Variants in PCMT1 observed in about 807,000 individuals in gnomAD.
PCMT1 encodes the protein protein-L-isoaspartate (D-aspartate) O-methyltransferase, also known as protein-L-isoaspartate(D-aspartate) O-methyltransferase.
A neutral mutation model predicts 29.2 loss-of-function variants in PCMT1; 9 were observed. The observed-to-expected ratio is 0.31, with a 90% confidence interval of 0.19 to 0.54. PCMT1 has a LOEUF of 0.54. Among genes scored for constraint, PCMT1 ranks in the 20% least tolerant of loss-of-function variants. The probability of loss-of-function intolerance (pLI) is 0.95; values close to 1 mark genes in which losing one functional copy is unlikely to be tolerated. For synonymous variants in PCMT1, 98 were observed against 97.5 expected (o/e 1.00, Z -0.03); for missense variants, 184 against 282.2 (o/e 0.65, Z 2.49).
chr6:149,770,705 C>CAA (rs1302278944), intron 1 of PCMT1, among the ~76,000 whole-genome samples: 6 of 63,696 alleles, frequency 9.4e-5, no homozygotes, highest in Non-Finnish European at 1.5e-4. Flanking sequence ...GACTCCATCT[C>CAA]AAAAAAAAAA....
chr6:149,806,278 G>A (rs1172331500), intron 7 of PCMT1, among the ~76,000 whole-genome samples: 4 of 152,120 alleles, frequency 2.6e-5, no homozygotes, highest in Non-Finnish European at 4.4e-5. Context: ...GTTCAGACTC[G>A]CGGTAGGGAG....
chr6:149,782,769 AAG>A (rs1275142193), intron 3 of PCMT1, among the ~76,000 whole-genome samples: 4 of 152,200 alleles, frequency 2.6e-5, no homozygotes, highest in Admixed American at 2.0e-4. Context: ...AAAAAACAAA[AAG>A]AGCAAGACAG....
At chr6:149,798,926 G>T (rs1788716564) in intron 6 of PCMT1, 1 of 152,192 alleles carries the variant, frequency 6.6e-6, no homozygotes, top group Admixed American at 6.5e-5. Flanking sequence ...TCTAAAAACT[G>T]ATGGACATAA....
rs949246211 is a variant in PCMT1, at chr6:149,771,414, A to G, written c.160+148A>G. ...CTCAGCAAGTTTCATAATCCCAAAC[A>G]TACCTATTTTAATAAAATTATGTAT... On this transcript the variant is annotated intron_variant, in intron 2 of 7. Transcript: ENST00000464889. 6.0e-5 allele frequency: 30 copies of G among 497,738 alleles called. No homozygotes were observed. In the Middle Eastern group the frequency reaches 1.5e-3, roughly 26 times the overall value. 30.8% of individuals were successfully genotyped at this position (497,738 alleles called of 1,614,324 possible). A position where few individuals can be genotyped will look rare whatever the true frequency, so the allele number is the denominator to read the frequency against.
At chr6:149,785,621 G>A (rs1004925746) in intron 3 of PCMT1, among the ~76,000 whole-genome samples, 10 of 152,056 alleles carry the variant, frequency 6.6e-5, no homozygotes, top group African/African-American at 9.6e-5. Context: ...TAACGAGCAC[G>A]CTGCCTTCAA....
chr6:149,796,817 T>TG, intron 6 of PCMT1: 2 of 191,950 alleles, frequency 1.0e-5, no homozygotes, highest in Non-Finnish European at 1.0e-5. Flanking sequence ...TTTTGTTTTT[T>TG]GTTTTTTGTT....
intron 5 of PCMT1, among the ~76,000 whole-genome samples, chr6:149,793,940 C>G (rs1788490040): frequency 1.3e-5 from 2 of 152,196 alleles, no homozygotes; most frequent in South Asian, 4.1e-4. Context: ...TGTGAAGTAC[C>G]TGTTCAGATA....
intron 1 of PCMT1, among the ~76,000 whole-genome samples, chr6:149,756,353 CTTTTT>C (rs5880848): frequency 7.1e-6 from 1 of 141,630 alleles, no homozygotes; most frequent in Non-Finnish European, 1.5e-5. Context: ...TATTCTTTCC[CTTTTT>C]TTTTTTTTGA....
At chr6:149,805,322 A>T (rs568007402) in intron 7 of PCMT1, among the ~76,000 whole-genome samples, 1 of 152,180 alleles carries the variant, frequency 6.6e-6, no homozygotes, top group South Asian at 2.1e-4. Flanking sequence ...GGCTGGGCGC[A>T]GTGGCTCACG....
At chr6:149,771,596 A>C (rs1035208519) in intron 2 of PCMT1, among the ~76,000 whole-genome samples, 9 of 152,228 alleles carry the variant, frequency 5.9e-5, no homozygotes, top group Non-Finnish European at 1.3e-4. Flanking sequence ...GGCTCACTGC[A>C]ACCTTCACCT....
intron 1 of PCMT1, among the ~76,000 whole-genome samples, chr6:149,757,456 A>C (rs1352113899): frequency 6.6e-6 from 1 of 152,184 alleles, no homozygotes; most frequent in East Asian, 1.9e-4. Flanking sequence ...GGCAGTGTAA[A>C]ACTAAAGATT....
At chr6:149,768,873 T>C (rs1306989667) in intron 1 of PCMT1, among the ~76,000 whole-genome samples, 1 of 152,082 alleles carries the variant, frequency 6.6e-6, no homozygotes, top group Non-Finnish European at 1.5e-5. Context: ...GTGATCCGCC[T>C]ACCTCAGCCT....
intron 6 of PCMT1, chr6:149,799,287 C>T (rs927351370): frequency 2.6e-5 from 4 of 151,868 alleles, no homozygotes; most frequent in Admixed American, 6.6e-5. Context: ...GTATTCCAGC[C>T]GAGGTGACAG....
chr6:149,752,604 G>T (rs1268700750), intron 1 of PCMT1, among the ~76,000 whole-genome samples: 2 of 152,130 alleles, frequency 1.3e-5, no homozygotes, highest in Non-Finnish European at 2.9e-5. Flanking sequence ...GTATGATTTG[G>T]GTTCTCATGG....
At chr6:149,762,832 G>A (rs1229670618) in intron 1 of PCMT1, among the ~76,000 whole-genome samples, 6 of 46,304 alleles carry the variant, frequency 1.3e-4, no homozygotes, top group South Asian at 1.4e-3. Context: ...TGATATATAT[G>A]ATATATATAT....
intron 3 of PCMT1, among the ~76,000 whole-genome samples, chr6:149,788,881 G>A (rs564728395): frequency 6.6e-6 from 1 of 152,060 alleles, no homozygotes; most frequent in South Asian, 2.1e-4. Flanking sequence ...CTGCCCAAAG[G>A]CTGATTTTCT....
intron 2 of PCMT1, 83 bp from the exon 3 acceptor site, chr6:149,773,055 C>G: frequency 1.1e-6 from 1 of 891,404 alleles, no homozygotes; most frequent in Non-Finnish European, 1.7e-6. Flanking sequence ...TGAAAAATAA[C>G]GTATGGATGG....
At chr6:149,751,397 C>T (rs1456396510) in intron 1 of PCMT1, among the ~76,000 whole-genome samples, 3 of 151,358 alleles carry the variant, frequency 2.0e-5, no homozygotes. Context: ...ATTAAATGTC[C>T]GTTATATGCC....
At chr6:149,802,966 T>A (rs2115340844) in intron 7 of PCMT1, among the ~76,000 whole-genome samples, 1 of 147,582 alleles carries the variant, frequency 6.8e-6, no homozygotes. Flanking sequence ...GCCAGGAGAA[T>A]TGCTTAAACC....
Sources: allele counts gnomAD v4.1 joint callset (sites outside exome capture counted in the v4.1 genomes callset), GRCh38; gene constraint gnomAD v4.1.1; transcripts MANE v1.5; gene names NCBI Gene and HGNC (gene_info 2026-07-23, HGNC 2026-07-21).